XDH: variants seen among roughly 807,000 people sequenced by gnomAD.
XDH encodes xanthine dehydrogenase.
XDH carries 138 observed loss-of-function variants against 156.1 expected under a neutral mutation model. That is an observed-to-expected ratio of 0.88 (90% CI 0.77 to 1.02). XDH has a LOEUF of 1.02. Ranked by LOEUF, XDH falls within the 50% of genes least tolerant of loss-of-function variation. The pLI is 0.00. For synonymous variants in XDH, 669 were observed against 625.7 expected (o/e 1.07, Z -1.03); for missense variants, 1,849 against 1,684.9 (o/e 1.10, Z -1.71).
chr2:31,337,871 C>T, intron 34 of XDH, 54 bp from the exon 35 acceptor site: 1 of 1,591,502 alleles, frequency 6.3e-7, no homozygotes. Flanking sequence ...CCTGCCTCCA[C>T]ATCATCAAGT....
chr2:31,414,556 C>T (rs377297405), intron 1 of XDH, 69 bp downstream of exon 1: 8 of 1,596,834 alleles, frequency 5.0e-6, no homozygotes, highest in Middle Eastern at 1.7e-4. Context: ...CAAGATATGG[C>T]TCTGCCAGAG....
At chr2:31,391,116 G>C (rs1363970323) in intron 6 of XDH, among the ~76,000 whole-genome samples, 2 of 151,966 alleles carry the variant, frequency 1.3e-5, no homozygotes, top group Non-Finnish European at 2.9e-5. Flanking sequence ...TTACACTTAG[G>C]TTTATGATTC....
At chr2:31,343,893 T>C (rs532993016) in intron 31 of XDH, among the ~76,000 whole-genome samples, 11 of 152,010 alleles carry the variant, frequency 7.2e-5, no homozygotes. Flanking sequence ...TTTATACATA[T>C]ATATATTTAT....
At chr2:31,396,471 A>T (rs548304899) in intron 6 of XDH, among the ~76,000 whole-genome samples, 15 of 152,328 alleles carry the variant, frequency 9.8e-5, no homozygotes, top group African/African-American at 3.6e-4. Flanking sequence ...TATAGTTCCC[A>T]TTTATTGAAT....
rs537975818 is a variant in XDH at position 31,374,537 on chromosome 2, GA to G, written c.1603-582del. The stretch of plus-strand genomic sequence containing the variant: ...CAGATAGATGGACAGATAAATGCAG[GA>G]AAAAAAATCAGAGGAAATAACCAAA... On this transcript the variant is annotated intron_variant, in intron 15 of 35. Coordinates refer to ENST00000379416, the MANE Select transcript of XDH (RefSeq NM_000379.4). Among the ~76,000 whole-genome samples the G allele has an allele frequency of 2.0e-5, 3 of 152,154 alleles. No individual in the cohort carries two copies. The East Asian group carries it at 5.8e-4, about 29-fold the overall frequency.
Position 31,398,568 on chromosome 2 carries a change from C to T in XDH, c.433+5G>A. On this transcript the variant is annotated splice_donor_5th_base_variant and intron_variant, in intron 5 of 35. Transcript: ENST00000379416. ...ACCTCCTAGGCTGTGCCTGAAGGCC[C>T]ATACCTTGGAAGGCATTCTCAATCT... 6.2e-7 allele frequency: 1 copy of T among 1,613,974 alleles called. No homozygotes were observed. Among genetic ancestry groups the T allele is most frequent in the Non-Finnish European group, 8.5e-7 (1 of 1,179,894 alleles).
chr2:31,356,834 T>C (rs566453073), intron 24 of XDH, among the ~76,000 whole-genome samples: 8 of 152,212 alleles, frequency 5.3e-5, no homozygotes, highest in Admixed American at 1.3e-4. Flanking sequence ...TGGGCCATGA[T>C]ATGAACCTCA....
chr2:31,385,908 C>T lies in XDH; in HGVS notation c.793+506G>A, dbSNP rs6717626. The stretch of plus-strand genomic sequence containing the variant: ...GCGACATTTATGGAACCTCTAGTGT[C>T]CATCAGCCACTGGCCTAGACACTTT... On this transcript the variant is annotated intron_variant, in intron 9 of 35. Transcript: ENST00000379416. 1.9e-3 allele frequency among the ~76,000 whole-genome samples: 290 copies of T among 152,268 alleles called. 2 individuals are homozygous for T. Among genetic ancestry groups the T allele is most frequent in the African/African-American group, 6.4e-3 (267 of 41,550 alleles).
At position 31,339,598 on chromosome 2, in the gene XDH, G is replaced by C. The variant is rs148235835; in HGVS notation, c.3665C>G (p.Thr1222Ser). The change falls in exon 34 of 36, where the codon ACC becomes AGC. Residue 1222 changes from threonine to serine, a missense_variant. Thr to Ser is a moderately conservative substitution (Grantham distance 58). Coordinates refer to ENST00000379416, the MANE Select transcript of XDH (RefSeq NM_000379.4). ...LHYSPEGSLHTRGPSTYKIPA... is the reference protein window; with the variant it reads ...LHYSPEGSLHSRGPSTYKIPA... ...GATCTTGTAGGTGCTAGGGCCACGG[G>C]TGTGCAGGCTCCCCTCGGGGGAATA... 1 of 1,614,214 alleles carries C rather than the reference G, an allele frequency of 6.2e-7. No individual in the cohort carries two copies. The highest frequency in any genetic ancestry group is 8.5e-7 in the Non-Finnish European group (1 of 1,180,044).
intron 33 of XDH, among the ~76,000 whole-genome samples, chr2:31,340,740 G>A (rs1265624825): frequency 3.9e-5 from 6 of 152,172 alleles, no homozygotes; most frequent in African/African-American, 1.4e-4. Flanking sequence ...AGAGTGCTGG[G>A]ATTACAGGTG....
In XDH at chr2:31,370,226, C is replaced by T. The variant is rs1010724330; in HGVS notation, c.1980+129G>A. Reference sequence around the variant, plus strand: ...CTTTTTGGATTGTCCTGAATATGGGCCAACTGGATGATGGCCATAATCCAT... The same window carrying T: ...CTTTTTGGATTGTCCTGAATATGGGTCAACTGGATGATGGCCATAATCCAT... On this transcript the variant is annotated intron_variant, in intron 18 of 35. Coordinates refer to ENST00000379416, the MANE Select transcript of XDH (RefSeq NM_000379.4). 1.4e-5 allele frequency: 15 copies of T among 1,100,768 alleles called. No individual in the cohort carries two copies. The Admixed American group carries it at 1.8e-4, about 13-fold the overall frequency. 68.2% of individuals were successfully genotyped at this position (1,100,768 alleles called of 1,614,324 possible).
intron 7 of XDH, 143 bp downstream of exon 7, chr2:31,388,084 A>G: frequency 9.2e-7 from 1 of 1,089,130 alleles, no homozygotes; most frequent in Non-Finnish European, 1.4e-6. Context: ...AACGTGCACC[A>G]TCACCATCCC....
chr2:31,372,191 C>G, intron 17 of XDH, 37 bp downstream of exon 17: 1 of 1,614,062 alleles, frequency 6.2e-7, no homozygotes, highest in Non-Finnish European at 8.5e-7. Flanking sequence ...GGCCCCCTCA[C>G]AGCATTCCAC....
At chr2:31,378,908 A>C (rs1393149637) in intron 13 of XDH, among the ~76,000 whole-genome samples, 1 of 152,204 alleles carries the variant, frequency 6.6e-6, no homozygotes, top group Non-Finnish European at 1.5e-5. Flanking sequence ...ATCACTGCTC[A>C]AAATGGTCTA....
chr2:31,404,875 A>G (rs1323631789), intron 2 of XDH, among the ~76,000 whole-genome samples: 1 of 152,212 alleles, frequency 6.6e-6, no homozygotes. Flanking sequence ...GAGTGAAAGC[A>G]TGGGCTCCAG....
intron 4 of XDH, among the ~76,000 whole-genome samples, chr2:31,400,388 G>A (rs1194063882): frequency 2.6e-5 from 4 of 151,948 alleles, no homozygotes; most frequent in Non-Finnish European, 4.4e-5. Context: ...ACAGGCGCCC[G>A]CCACTCCGCC....
chr2:31,371,807 C>T (rs1006614575), intron 17 of XDH, among the ~76,000 whole-genome samples: 8 of 152,164 alleles, frequency 5.3e-5, no homozygotes, highest in African/African-American at 1.9e-4. Flanking sequence ...GACAAGGAAA[C>T]CTGATTCCTA....
rs777943917 is a variant in XDH, at chr2:31,383,088, A to G, written c.951T>C (p.Ala317=). 2.5e-6 allele frequency: 4 copies of G among 1,614,086 alleles called. No homozygotes were observed. In the Admixed American group the frequency reaches 6.7e-5, roughly 27 times the overall value. ...IVEKTLVDAV[A]KLPAQKTEVF... ...CCTCTGTCTTTTGGGCAGGAAGCTT[A>G]GCAACAGCATCCACCAGGGTTTTTT... Residue 317 remains alanine, a synonymous_variant, in exon 11 of 36, where the codon GCT becomes GCC. Transcript: ENST00000379416.
chr2:31,335,645 G>C lies in XDH; in HGVS notation c.*313C>G, dbSNP rs1462947243. The C allele has an allele frequency of 2.1e-6, 1 of 467,996 alleles. No individual in the cohort carries two copies. The highest frequency in any genetic ancestry group is 2.0e-5 in the African/African-American group (1 of 50,852). 29.0% of individuals were successfully genotyped at this position (467,996 alleles called of 1,614,324 possible). A position where few individuals can be genotyped will look rare whatever the true frequency, so the allele number is the denominator to read the frequency against. ...ATCAGAACTTGAGGTTATACAGGCT[G>C]TCCAGTAAGTGGGGAATAGCACAAA... On this transcript the variant is annotated 3_prime_UTR_variant, in exon 36 of 36. Transcript: ENST00000379416.
Sources: gnomAD v4.1 joint callset for allele counts (sites outside exome capture counted in the v4.1 genomes callset) on GRCh38, gnomAD v4.1.1 for gene constraint, MANE v1.5 for transcripts, NCBI Gene and HGNC (gene_info 2026-07-23, HGNC 2026-07-21) for gene names.